Variants in ADGRL3 observed in about 807,000 individuals in gnomAD.
ADGRL3 encodes adhesion G protein-coupled receptor L3, also known as calcium-independent alpha-latrotoxin receptor 3.
Under a neutral mutation model 153.5 loss-of-function variants are expected in ADGRL3, and 62 were observed. The ratio of observed to expected loss-of-function variants is 0.40; its 90% CI spans 0.33 to 0.50. The LOEUF (loss-of-function observed/expected upper bound fraction) is 0.50, where lower values mean the gene tolerates loss of function less well. Ranked by LOEUF, ADGRL3 falls within the 20% of genes least tolerant of loss-of-function variation. The probability of loss-of-function intolerance (pLI) is 0.47; values close to 1 mark genes in which losing one functional copy is unlikely to be tolerated. For synonymous variants in ADGRL3, 710 were observed against 672.5 expected (o/e 1.06, Z -0.86); for missense variants, 1,641 against 1,859.4 (o/e 0.88, Z 2.16).
chr4:61,732,222 A>C (rs182965780), intron 7 of ADGRL3, among the ~76,000 whole-genome samples: 5 of 152,108 alleles, frequency 3.3e-5, no homozygotes, highest in Admixed American at 2.0e-4. Flanking sequence ...AGCAACGTTG[A>C]GAGCTTTTTT....
chr4:62,015,810 T>A (rs145187433), intron 21 of ADGRL3, among the ~76,000 whole-genome samples: 132 of 152,184 alleles, frequency 8.7e-4, no homozygotes, highest in Non-Finnish European at 1.5e-3. Flanking sequence ...TACTTGCTGA[T>A]ATACATTTTG....
chr4:62,064,581 T>C (rs1332555393), intron 25 of ADGRL3, among the ~76,000 whole-genome samples: 1 of 152,012 alleles, frequency 6.6e-6, no homozygotes, highest in African/African-American at 2.4e-5. Flanking sequence ...CTTCCATGAT[T>C]CTTTCAAGTT....
At chr4:61,494,727 T>A (rs2098294988) in intron 2 of ADGRL3, among the ~76,000 whole-genome samples, 1 of 152,128 alleles carries the variant, frequency 6.6e-6, no homozygotes, top group Non-Finnish European at 1.5e-5. Flanking sequence ...GGTAAAATAT[T>A]ATGAGATTAT....
At chr4:61,384,741 T>C (rs1173683272) in intron 2 of ADGRL3, among the ~76,000 whole-genome samples, 2 of 152,004 alleles carry the variant, frequency 1.3e-5, no homozygotes, top group Admixed American at 6.6e-5. Context: ...GCTAATAAAC[T>C]CTCAGCCCTA....
At chr4:61,503,353 G>T (rs1481573891) in intron 3 of ADGRL3, among the ~76,000 whole-genome samples, 1 of 152,024 alleles carries the variant, frequency 6.6e-6, no homozygotes, top group African/African-American at 2.4e-5. Flanking sequence ...ACTATTTGAG[G>T]TGCTTGTAAT....
rs1253449981 is a variant in ADGRL3, at chr4:62,077,264, G to T, written c.*6356G>T. ...GATTGAATAATTTTTAAATGATGAT[G>T]CTCCACTCTTTGATCTACAGACAAG... On this transcript the variant is annotated 3_prime_UTR_variant, in exon 27 of 27. Coordinates refer to ENST00000683033, the MANE Select transcript of ADGRL3 (RefSeq NM_001387552.1). 1 of 151,840 alleles carries T rather than the reference G, an allele frequency of 6.6e-6. No homozygotes were observed. The highest frequency in any genetic ancestry group is 2.4e-5 in the African/African-American group (1 of 41,388). The allele number at this position is 151,840 out of a possible 1,614,324, so 9.4% of individuals were successfully genotyped here. A position where few individuals can be genotyped will look rare whatever the true frequency, so the allele number is the denominator to read the frequency against.
intron 25 of ADGRL3, among the ~76,000 whole-genome samples, chr4:62,065,123 A>T (rs10004895): frequency 1.3e-5 from 2 of 151,916 alleles, no homozygotes; most frequent in Non-Finnish European, 2.9e-5. Flanking sequence ...TTATGTATAT[A>T]TTTTTTTCTT....
intron 2 of ADGRL3, among the ~76,000 whole-genome samples, chr4:61,474,554 G>A (rs948225576): frequency 2.0e-5 from 3 of 151,992 alleles, no homozygotes; most frequent in Non-Finnish European, 2.9e-5. Context: ...TTGCCCTAAA[G>A]GGTTTTTTAA....
intron 5 of ADGRL3, among the ~76,000 whole-genome samples, chr4:61,627,135 T>C (rs1353789396): frequency 6.6e-6 from 1 of 152,210 alleles, no homozygotes; most frequent in Non-Finnish European, 1.5e-5. Flanking sequence ...ATTTCTCTGA[T>C]GAATCATGAA....
chr4:61,726,092 A>G (rs2096331118), intron 6 of ADGRL3, among the ~76,000 whole-genome samples: 1 of 152,024 alleles, frequency 6.6e-6, no homozygotes, highest in Admixed American at 6.6e-5. Context: ...CAGATTTTGG[A>G]TATTTGGGAT....
intron 9 of ADGRL3, among the ~76,000 whole-genome samples, chr4:61,869,960 A>AAAG (rs1554051477): frequency 6.9e-5 from 7 of 101,886 alleles, no homozygotes; most frequent in East Asian, 2.6e-4. Flanking sequence ...AAAAAAAAAA[A>AAAG]AGAGAGAGAG....
intron 1 of ADGRL3, among the ~76,000 whole-genome samples, chr4:61,317,251 A>G (rs545441564): frequency 2.0e-5 from 3 of 152,302 alleles, no homozygotes; most frequent in African/African-American, 7.2e-5. Flanking sequence ...TAAATCTGGG[A>G]GTGTATCTGG....
At chr4:61,584,125 T>C (rs758189654) in intron 4 of ADGRL3, among the ~76,000 whole-genome samples, 1 of 152,040 alleles carries the variant, frequency 6.6e-6, no homozygotes, top group Non-Finnish European at 1.5e-5. Context: ...AAACAGTTAG[T>C]AACATAATTA....
At chr4:61,570,766 G>A (rs1434049957) in intron 4 of ADGRL3, among the ~76,000 whole-genome samples, 2 of 151,998 alleles carry the variant, frequency 1.3e-5, no homozygotes, top group African/African-American at 4.8e-5. Flanking sequence ...AATTATTTGT[G>A]GAACCAAATC....
At chr4:62,006,030 ATATT>A (rs1221314632) in intron 21 of ADGRL3, among the ~76,000 whole-genome samples, 27 of 80,256 alleles carry the variant, frequency 3.4e-4, no homozygotes, top group African/African-American at 6.0e-4. Context: ...ATATATATAT[ATATT>A]TTTTTTTTTT....
intron 13 of ADGRL3, among the ~76,000 whole-genome samples, chr4:61,914,622 G>A (rs1265008986): frequency 2.0e-5 from 3 of 152,068 alleles, no homozygotes; most frequent in Non-Finnish European, 4.4e-5. Flanking sequence ...GGTATAGGGA[G>A]ATGTGAGTTA....
intron 1 of ADGRL3, among the ~76,000 whole-genome samples, chr4:61,355,512 T>C (rs569016725): frequency 1.3e-5 from 2 of 152,226 alleles, no homozygotes; most frequent in South Asian, 4.1e-4. Context: ...TCTCAGGTGA[T>C]GGGGCATATC....
At chr4:61,836,058 A>G (rs2097930212) in intron 9 of ADGRL3, among the ~76,000 whole-genome samples, 1 of 152,192 alleles carries the variant, frequency 6.6e-6, no homozygotes, top group Non-Finnish European at 1.5e-5. Flanking sequence ...AAAACAAGAC[A>G]GCGAGATTTT....
intron 1 of ADGRL3, among the ~76,000 whole-genome samples, chr4:61,311,964 T>C (rs954804771): frequency 2.0e-5 from 3 of 152,104 alleles, no homozygotes; most frequent in African/African-American, 7.2e-5. Flanking sequence ...ATGTTAATAA[T>C]GGGGGAGGCT....
Sources: gnomAD v4.1 joint callset for allele counts (sites outside exome capture counted in the v4.1 genomes callset) on GRCh38, gnomAD v4.1.1 for gene constraint, MANE v1.5 for transcripts, NCBI Gene and HGNC (gene_info 2026-07-23, HGNC 2026-07-21) for gene names.